The following PAX4 variants were observed in gnomAD, a reference collection of about 807,000 sequenced individuals.
The protein encoded by PAX4 is paired box protein Pax-4.
Under a neutral mutation model 40.6 loss-of-function variants are expected in PAX4, and 33 were observed. That is an observed-to-expected ratio of 0.81 (90% confidence interval 0.62 to 1.09). PAX4 has a LOEUF of 1.09. PAX4 is among the 50% of genes least tolerant of loss of function. PAX4 has a pLI of 0.00. For synonymous variants in PAX4, 174 were observed against 170.6 expected, an observed-to-expected ratio of 1.02 and a Z score of -0.16; for missense variants, 459 against 442.5, an observed-to-expected ratio of 1.04 and a Z score of -0.33.
intron 11 of PAX4, among the ~76,000 whole-genome samples, 162 bp downstream of exon 11, chr7:127,611,371 CAG>C (rs1283290190): frequency 3.3e-5 from 5 of 152,290 alleles, no homozygotes. Context: ...ACCATAGACT[CAG>C]GGGTTACTAG....
At chr7:127,614,847 C>G (rs754144782) in intron 5 of PAX4, 33 bp downstream of exon 5, 1 of 1,606,640 alleles carries the variant, frequency 6.2e-7, no homozygotes. Context: ...AGCCTCTTTT[C>G]CAGCCCCAGT....
chr7:127,612,669 T>G (rs573164294), intron 9 of PAX4, among the ~76,000 whole-genome samples: 34 of 122,162 alleles, frequency 2.8e-4, no homozygotes, highest in East Asian at 5.3e-4. Context: ...GTGGGTGTGG[T>G]GGGTGGATGA....
At chr7:127,612,678 G>A (rs940562632) in intron 9 of PAX4, among the ~76,000 whole-genome samples, 1 of 150,450 alleles carries the variant, frequency 6.6e-6, no homozygotes, top group Non-Finnish European at 1.5e-5. Flanking sequence ...GTGGGTGGAT[G>A]ATGCCTGGAT....
rs767976005 is a variant in PAX4 at position 127,610,851 on chromosome 7, G to A, written c.*213C>T. 28 of 1,536,560 alleles carry A rather than the reference G, an allele frequency of 1.8e-5. No individual in the cohort carries two copies. The highest frequency in any genetic ancestry group is 2.4e-5 in the Non-Finnish European group (28 of 1,145,894). ...TACTGCTGAGTGGAGGCCTCTTAAGGCTAGTGTGAGAAGTGGGTGGGTGTT... is the reference window on the plus strand; with the variant it reads ...TACTGCTGAGTGGAGGCCTCTTAAGACTAGTGTGAGAAGTGGGTGGGTGTT... On this transcript the variant is annotated 3_prime_UTR_variant, in exon 12 of 12. Coordinates refer to ENST00000639438, the MANE Select transcript of PAX4 (RefSeq NM_001366110.1).
At position 127,613,927 on chromosome 7, in the gene PAX4, C is replaced by T. The variant is rs371586398; in HGVS notation, c.437-46G>A. 3.7e-6 allele frequency: 6 copies of T among 1,610,488 alleles called. No individual in the cohort carries two copies. The African/African-American group carries it at 8.0e-5, about 22-fold the overall frequency. On this transcript the variant is annotated intron_variant, in intron 6 of 11. Coordinates refer to ENST00000639438, the MANE Select transcript of PAX4 (RefSeq NM_001366110.1). ...TTGTGGTGGTTTGTGATGGTGATTC[C>T]TCTGGTCAGATGGGGTCCCTGAGTC...
Position 127,617,289 on chromosome 7 carries a change from G to A in PAX4, c.-114C>T, listed in dbSNP as rs147927868. ...CTTTTACTCACTTGTTTCTAGGTAG[G>A]TAGAGGCACAGACCCCTTCAAATTC... is the stretch of plus-strand genomic sequence containing the variant. On this transcript the variant is annotated 5_prime_UTR_variant, in exon 2 of 12. Transcript: ENST00000639438. 86 of 152,288 alleles carry A rather than the reference G, an allele frequency of 5.6e-4. No homozygotes were observed. The highest frequency in any genetic ancestry group is 2.0e-3 in the African/African-American group (84 of 41,562). 9.4% of individuals were successfully genotyped at this position (152,288 alleles called of 1,614,324 possible). A position where few individuals can be genotyped will look rare whatever the true frequency, so the allele number is the denominator to read the frequency against.
chr7:127,614,063 A>G (rs1257632708), intron 6 of PAX4, among the ~76,000 whole-genome samples, 182 bp from the exon 7 acceptor site: 1 of 152,024 alleles, frequency 6.6e-6, no homozygotes, highest in Admixed American at 6.5e-5. Flanking sequence ...AGGGTGCTCA[A>G]TACCATGGTG....
intron 3 of PAX4, 180 bp from the exon 4 acceptor site, chr7:127,615,711 C>A: frequency 6.6e-7 from 1 of 1,509,748 alleles, no homozygotes. Context: ...AGAGCTGGCT[C>A]ACGGGTGAGT....
rs1794708788 is a variant in PAX4, at chr7:127,615,427, G to C, written c.118C>G (p.Pro40Ala). ...TTAAGGATCCGTGAGATGTCACAGG[G>C]CCGCATTCCACTGACTGCTAGCCGC... ...IVRLAVSGMR[P>A]CDISRILKVS... Residue 40 changes from proline (P) to alanine (A), a missense_variant, in exon 4 of 12, where the codon CCC (proline) becomes GCC (alanine). Coordinates refer to ENST00000639438, the MANE Select transcript of PAX4 (RefSeq NM_001366110.1). The C allele has an allele frequency of 2.5e-6, 4 of 1,614,204 alleles. No individual in the cohort carries two copies. Among genetic ancestry groups the C allele is most frequent in the Non-Finnish European group, 3.4e-6 (4 of 1,180,042 alleles).
Position 127,611,110 on chromosome 7 carries a change from T to C in PAX4, c.1010A>G (p.Gln337Arg), listed in dbSNP as rs1302977663. ...HCHLASLSGS[Q>R]ALLWPGCPLL... is the part of the protein sequence containing the mutation. ...TGGGCAGCCAGGCCAGAGCAGGGCC[T>C]GAGAGCCACTAAGACTGGCCAGGTG... The change falls in exon 12 of 12, where the codon CAG becomes CGG. Residue 337 changes from glutamine to arginine, a missense_variant. Physicochemically the swap from Gln to Arg is conservative, Grantham distance 43. Coordinates refer to ENST00000639438, the MANE Select transcript of PAX4 (RefSeq NM_001366110.1). 1 of 1,607,714 alleles carries C rather than the reference T, an allele frequency of 6.2e-7. No individual in the cohort carries two copies. The highest frequency in any genetic ancestry group is 8.5e-7 in the Non-Finnish European group (1 of 1,176,698).
rs1794708529 is a variant in PAX4 at position 127,615,421 on chromosome 7, C to A, written c.124G>T (p.Asp42Tyr). 1 of 1,614,216 alleles carries A rather than the reference C, an allele frequency of 6.2e-7. No homozygotes were observed. The highest frequency in any genetic ancestry group is 8.5e-7 in the Non-Finnish European group (1 of 1,180,046). Residue 42 changes from aspartate (D) to tyrosine (Y), a missense_variant, in exon 4 of 12, where the codon GAC becomes TAC. Asp to Tyr is a radical substitution (Grantham distance 160). Transcript: ENST00000639438. Reference protein sequence around the residue: ...RLAVSGMRPCDISRILKVSNG... With the variant: ...RLAVSGMRPCYISRILKVSNG... The stretch of plus-strand genomic sequence containing the variant: ...ATTACCTTAAGGATCCGTGAGATGT[C>A]ACAGGGCCGCATTCCACTGACTGCT...
At chr7:127,612,331 A>G (rs1297510186) in intron 9 of PAX4, among the ~76,000 whole-genome samples, 1 of 152,122 alleles carries the variant, frequency 6.6e-6, no homozygotes, top group African/African-American at 2.4e-5. Context: ...GGATGGATGC[A>G]CAGATTAATG....
At position 127,617,286 on chromosome 7, in the gene PAX4, T is replaced by C. The variant is rs1587553199; in HGVS notation, c.-111A>G. 6.6e-6 allele frequency: 1 copy of C among 152,118 alleles called. No individual in the cohort carries two copies. Among genetic ancestry groups the C allele is most frequent in the African/African-American group, 2.4e-5 (1 of 41,416 alleles). 9.4% of individuals were successfully genotyped at this position (152,118 alleles called of 1,614,324 possible). A position where few individuals can be genotyped will look rare whatever the true frequency, so the allele number is the denominator to read the frequency against. ...TGGCTTTTACTCACTTGTTTCTAGGTAGGTAGAGGCACAGACCCCTTCAAA... is the reference window on the plus strand; with the variant it reads ...TGGCTTTTACTCACTTGTTTCTAGGCAGGTAGAGGCACAGACCCCTTCAAA... On this transcript the variant is annotated 5_prime_UTR_variant, in exon 2 of 12. Transcript: ENST00000639438.
At chr7:127,614,399 G>T in intron 6 of PAX4, 83 bp downstream of exon 6, 1 of 1,125,518 alleles carries the variant, frequency 8.9e-7, no homozygotes, top group Non-Finnish European at 1.3e-6. Context: ...GGTGATCCAA[G>T]AAAGAACGAG....
chr7:127,612,121 G>A (rs1794636958), intron 9 of PAX4, 121 bp from the exon 10 acceptor site: 1 of 887,610 alleles, frequency 1.1e-6, no homozygotes, highest in Non-Finnish European at 1.8e-6. Context: ...ACTTCTTGCA[G>A]GGGTGTGAAG....
chr7:127,611,386 T>C, intron 11 of PAX4, 149 bp downstream of exon 11: 2 of 1,509,412 alleles, frequency 1.3e-6, no homozygotes, highest in Non-Finnish European at 1.8e-6. Context: ...GTTACTAGTC[T>C]CCGTAATTTT....
In PAX4 at chr7:127,610,736, A is replaced by G. The variant is rs1455893356; in HGVS notation, c.*328T>C. ...AAATAAATGATAGGGCAAATTGTCT[A>G]TAATTGTTGAATATTAGAGTGGGCA... On this transcript the variant is annotated 3_prime_UTR_variant, in exon 12 of 12. Transcript: ENST00000639438. The G allele has an allele frequency of 4.1e-6, 3 of 725,302 alleles. No homozygotes were observed. Among genetic ancestry groups the G allele is most frequent in the South Asian group, 1.8e-5 (1 of 56,676 alleles). The allele number at this position is 725,302 out of a possible 1,614,324, so 44.9% of individuals were successfully genotyped here. A position where few individuals can be genotyped will look rare whatever the true frequency, so the allele number is the denominator to read the frequency against.
At chr7:127,611,340 C>T in intron 11 of PAX4, 134 bp from the exon 12 acceptor site, 1 of 1,323,898 alleles carries the variant, frequency 7.6e-7, no homozygotes, top group South Asian at 1.3e-5. Context: ...ACATCCTTTA[C>T]CTGCTATGGC....
At position 127,615,506 on chromosome 7, in the gene PAX4, C is replaced by A; in HGVS notation, c.39G>T (p.Gly13=). The change falls in exon 4 of 12, where the codon GGG becomes GGT. Residue 13 remains glycine (G), a synonymous_variant. Coordinates refer to ENST00000639438, the MANE Select transcript of PAX4 (RefSeq NM_001366110.1). ...QDGISSMNQL[G]GLFVNGRPLP... ...GGGGCCGGCCATTCACAAAGAGCCC[C>A]CCAAGCTGGTTCATGCTGCTGATCC... 1 of 1,614,146 alleles carries A rather than the reference C, an allele frequency of 6.2e-7. No homozygotes were observed. The highest frequency in any genetic ancestry group is 8.5e-7 in the Non-Finnish European group (1 of 1,180,008).
Sources: allele counts gnomAD v4.1 joint callset (sites outside exome capture counted in the v4.1 genomes callset), GRCh38; gene constraint gnomAD v4.1.1; transcripts MANE v1.5; gene names NCBI Gene and HGNC (gene_info 2026-07-23, HGNC 2026-07-21).